Variants in EME2 observed in about 807,000 individuals in gnomAD.
The protein encoded by EME2 is structure-specific endonuclease subunit EME2.
EME2 carries 58 observed loss-of-function variants against 41.9 expected under a neutral mutation model. That is an observed-to-expected ratio of 1.38 (90% CI 1.12 to 1.72). The LOEUF (loss-of-function observed/expected upper bound fraction) is 1.72. EME2 is among the 40% of genes most tolerant of loss of function. The probability of loss-of-function intolerance (pLI) is 0.00; values close to 1 mark genes in which losing one functional copy is unlikely to be tolerated. For synonymous variants in EME2, 334 were observed against 239.3 expected, an observed-to-expected ratio of 1.40 and a Z score of -3.65; for missense variants, 695 against 541.9, an observed-to-expected ratio of 1.28 and a Z score of -2.81.
Position 1,777,929 on chromosome 16 carries a change from C to A in EME2, c.*1691C>A. The A allele has an allele frequency of 6.2e-7, 1 of 1,612,426 alleles. No homozygotes were observed. The highest frequency in any genetic ancestry group is 8.5e-7 in the Non-Finnish European group (1 of 1,179,836). On this transcript the variant is annotated 3_prime_UTR_variant, in exon 8 of 8. Coordinates refer to ENST00000568449, the MANE Select transcript of EME2 (RefSeq NM_001257370.2). ...GAGCTCCAGGCTCGGCCCCGCCCCACCCTGGGCCTCACGCACCCGTGTAGG... is the reference window on the plus strand; with the variant it reads ...GAGCTCCAGGCTCGGCCCCGCCCCAACCTGGGCCTCACGCACCCGTGTAGG...
chr16:1,781,577 C>A lies in EME2; in HGVS notation c.*5339C>A. ...GCTTCCAGGCTGGGCCACGGACCCA[C>A]TCAAAGTGGGGACTGCAGGGGCCGC... On this transcript the variant is annotated 3_prime_UTR_variant, in exon 8 of 8. Transcript: ENST00000568449. The A allele has an allele frequency of 6.7e-7, 1 of 1,492,950 alleles. No homozygotes were observed. The highest frequency in any genetic ancestry group is 9.0e-7 in the Non-Finnish European group (1 of 1,106,460). 92.5% of individuals were successfully genotyped at this position (1,492,950 alleles called of 1,614,324 possible).
At position 1,775,946 on chromosome 16, in the gene EME2, C is replaced by G. The variant is rs771754192; in HGVS notation, c.929C>G (p.Ala310Gly). 3.7e-6 allele frequency: 6 copies of G among 1,610,896 alleles called. No individual in the cohort carries two copies. The highest frequency in any genetic ancestry group is 2.2e-5 in the South Asian group (2 of 91,038). The change falls in exon 7 of 8, where the codon GCA becomes GGA. Residue 310 changes from alanine (A) to glycine (G), a missense_variant. Transcript: ENST00000568449. ...CGGGTCAGCCCAGCCGTGGCTGATG[C>G]AGTTGTCACAGCCTTCCCCTCCCCC... ...FSRVSPAVAD[A>G]VVTAFPSPRL... is the part of the protein sequence containing the mutation.
intron 3 of EME2, among the ~76,000 whole-genome samples, 186 bp downstream of exon 3, chr16:1,774,538 C>G (rs2042680552): frequency 6.6e-6 from 1 of 152,230 alleles, no homozygotes; most frequent in Middle Eastern, 3.2e-3. Context: ...TCCTGGGCAC[C>G]TGCGGAGGCT....
In EME2 at chr16:1,778,139, C is replaced by T. The variant is rs756258686; in HGVS notation, c.*1901C>T. 7 of 1,612,634 alleles carry T rather than the reference C, an allele frequency of 4.3e-6. No homozygotes were observed. Among genetic ancestry groups the T allele is most frequent in the South Asian group, 1.1e-5 (1 of 91,066 alleles). ...CCTGGGCCGAAGCAACTTACCATGT[C>T]GGTGCCGTAGACGGGAGAGGTCATC... On this transcript the variant is annotated 3_prime_UTR_variant, in exon 8 of 8. Transcript: ENST00000568449.
In EME2 at chr16:1,777,392, G is replaced by A; in HGVS notation, c.*1154G>A. The stretch of plus-strand genomic sequence containing the variant: ...CTTCATGCTGCTCCGGGCCGCCGTG[G>A]AGCACACCATCGGGTAGAATCTCTT... On this transcript the variant is annotated 3_prime_UTR_variant, in exon 8 of 8. Coordinates refer to ENST00000568449, the MANE Select transcript of EME2 (RefSeq NM_001257370.2). 1 of 1,591,256 alleles carries A rather than the reference G, an allele frequency of 6.3e-7. No homozygotes were observed. Among genetic ancestry groups the A allele is most frequent in the Non-Finnish European group, 8.5e-7 (1 of 1,171,492 alleles).
chr16:1,777,086 T>G lies in EME2; in HGVS notation c.*848T>G. 7 of 1,608,448 alleles carry G rather than the reference T, an allele frequency of 4.4e-6. No individual in the cohort carries two copies. Among genetic ancestry groups the G allele is most frequent in the Non-Finnish European group, 5.9e-6 (7 of 1,177,240 alleles). ...TCCCAGCCCAAGAAGGCAGTTCCAC[T>G]GGGAAGTCAGTCAGGTCCGGCGGCA... On this transcript the variant is annotated 3_prime_UTR_variant, in exon 8 of 8. Coordinates refer to ENST00000568449, the MANE Select transcript of EME2 (RefSeq NM_001257370.2).
At position 1,776,093 on chromosome 16, in the gene EME2, G is replaced by T. The variant is rs371199330; in HGVS notation, c.995G>T (p.Arg332Leu). ...QQALEACSTERERMGLLADLP... is the reference protein window; with the variant it reads ...QQALEACSTELERMGLLADLP... ...GCGCTGGAGGCCTGCAGCACGGAGC[G>T]GGAGCGCATGGGCCTCCTGGCCGAC... The change falls in exon 8 of 8, where the codon CGG (arginine) becomes CTG (leucine). Residue 332 changes from arginine (R) to leucine (L), a missense_variant. Arg to Leu is a moderately radical substitution (Grantham distance 102). Transcript: ENST00000568449. The T allele has an allele frequency of 5.6e-6, 9 of 1,610,660 alleles. No homozygotes were observed. The South Asian group carries it at 9.9e-5, about 18-fold the overall frequency.
chr16:1,774,385 T>A, intron 3 of EME2, 33 bp downstream of exon 3: 4 of 1,538,986 alleles, frequency 2.6e-6, no homozygotes, highest in Non-Finnish European at 3.6e-6. Flanking sequence ...CCCTCTCTAA[T>A]CAGGAGGGGT....
Position 1,777,667 on chromosome 16 carries a change from G to T in EME2, c.*1429G>T. 2 of 1,575,410 alleles carry T rather than the reference G, an allele frequency of 1.3e-6. No homozygotes were observed. Among genetic ancestry groups the T allele is most frequent in the South Asian group, 2.3e-5 (2 of 87,164 alleles). The stretch of plus-strand genomic sequence containing the variant: ...GGAGGAACCCTTTCAGAAAACCTCA[G>T]TGTCCCCTGGGCTGGGGCGGGGTGG... On this transcript the variant is annotated 3_prime_UTR_variant, in exon 8 of 8. Transcript: ENST00000568449.
rs755072652 is a variant in EME2, at chr16:1,773,397, G to T, written c.170G>T (p.Arg57Leu). The T allele has an allele frequency of 3.8e-6, 6 of 1,561,456 alleles. No individual in the cohort carries two copies. Among genetic ancestry groups the T allele is most frequent in the Non-Finnish European group, 4.3e-6 (5 of 1,163,020 alleles). Reference sequence around the variant, plus strand: ...AGAGCCCGGGACCCAGCGGGTGAGCGCAGGGCGGCTGCCGAGGCGTTGCGG... The same window carrying T: ...AGAGCCCGGGACCCAGCGGGTGAGCTCAGGGCGGCTGCCGAGGCGTTGCGG... ...AARARDPAGE[R>L]RAAAEALRLL... Residue 57 changes from arginine to leucine, a missense_variant, in exon 1 of 8, where the codon CGC becomes CTC. Physicochemically the swap from Arg to Leu is moderately radical, Grantham distance 102 (BLOSUM62 -2). Transcript: ENST00000568449.
rs376076255 is a variant in EME2 at position 1,776,116 on chromosome 16, G to A, written c.1018G>A (p.Asp340Asn). ...GCGGGAGCGCATGGGCCTCCTGGCC[G>A]ACCTTCCTGTGCCGCCCAGTGAAGG... ...TERERMGLLA[D>N]LPVPPSEGGR... is the part of the protein sequence containing the mutation. The change falls in exon 8 of 8, where the codon GAC becomes AAC. Residue 340 changes from aspartate to asparagine, a missense_variant. Asp to Asn is a conservative substitution (Grantham distance 23, BLOSUM62 1). Coordinates refer to ENST00000568449, the MANE Select transcript of EME2 (RefSeq NM_001257370.2). The A allele has an allele frequency of 1.1e-5, 17 of 1,611,604 alleles. No individual in the cohort carries two copies. Among genetic ancestry groups the A allele is most frequent in the African/African-American group, 8.0e-5 (6 of 74,946 alleles).
At position 1,775,361 on chromosome 16, in the gene EME2, AAGGTGGCCGGTGCCG is replaced by A. The variant is rs763938842; in HGVS notation, c.626_640del (p.Gly209_Ala213del). The A allele has an allele frequency of 5.1e-4, 814 of 1,611,854 alleles. No individual in the cohort carries two copies. Among genetic ancestry groups the A allele is most frequent in the Non-Finnish European group, 6.2e-4 (737 of 1,179,972 alleles). ...GGGGACACAGCAGCCAGAGAGCCCGAAGGTGGCCGGTGCCGAGGTGGCCGTCAGCTGGCCGGAGGT... is the reference window on the plus strand; with the variant it reads ...GGGGACACAGCAGCCAGAGAGCCCGAAGGTGGCCGTCAGCTGGCCGGAGGT... On this transcript the variant is annotated inframe_deletion, in exon 5 of 8. Transcript: ENST00000568449.
rs556324697 is a variant in EME2 at position 1,776,929 on chromosome 16, G to C, written c.*691G>C. The C allele has an allele frequency of 2.6e-6, 2 of 760,852 alleles. No homozygotes were observed. The highest frequency in any genetic ancestry group is 1.8e-5 in the African/African-American group (1 of 56,926). 47.1% of individuals were successfully genotyped at this position (760,852 alleles called of 1,614,324 possible). On this transcript the variant is annotated 3_prime_UTR_variant, in exon 8 of 8. Coordinates refer to ENST00000568449, the MANE Select transcript of EME2 (RefSeq NM_001257370.2). ...AGCACAGCAGCAGAGGGGCCCTAGA[G>C]CCCCCACAGAAAGGACTGTCCCAGC...
chr16:1,773,263 T>C lies in EME2; in HGVS notation c.36T>C (p.Ser12=). The C allele has an allele frequency of 6.9e-7, 1 of 1,455,556 alleles. No homozygotes were observed. The highest frequency in any genetic ancestry group is 9.0e-7 in the Non-Finnish European group (1 of 1,113,700). The allele number at this position is 1,455,556 out of a possible 1,614,324, so 90.2% of individuals were successfully genotyped here. The part of the protein sequence containing the change: ...ARVGPGRAGV[S]CQGRGRGRGG... ...TTGGACCCGGGAGGGCGGGGGTCTC[T>C]TGCCAGGGCCGGGGCCGGGGACGGG... Residue 12 remains serine (S), a synonymous_variant, in exon 1 of 8, where the codon TCT becomes TCC. Coordinates refer to ENST00000568449, the MANE Select transcript of EME2 (RefSeq NM_001257370.2).
At position 1,773,050 on chromosome 16, in the gene EME2, G is replaced by T; in HGVS notation, c.-178G>T. 7.0e-7 allele frequency: 1 copy of T among 1,423,882 alleles called. No homozygotes were observed. Among genetic ancestry groups the T allele is most frequent in the Non-Finnish European group, 9.2e-7 (1 of 1,090,292 alleles). 88.2% of individuals were successfully genotyped at this position (1,423,882 alleles called of 1,614,324 possible). The stretch of plus-strand genomic sequence containing the variant: ...TGGGAGTCGCGCGGCCTGTTCAGTT[G>T]CTCCCGCAGGGCGCGCACGCGGCGG... On this transcript the variant is annotated 5_prime_UTR_variant, in exon 1 of 8. Transcript: ENST00000568449.
At position 1,777,917 on chromosome 16, in the gene EME2, G is replaced by C; in HGVS notation, c.*1679G>C. The C allele has an allele frequency of 6.2e-7, 1 of 1,611,834 alleles. No homozygotes were observed. Among genetic ancestry groups the C allele is most frequent in the Non-Finnish European group, 8.5e-7 (1 of 1,179,628 alleles). ...CAGTGAGCCCGGGAGCTCCAGGCTC[G>C]GCCCCGCCCCACCCTGGGCCTCACG... On this transcript the variant is annotated 3_prime_UTR_variant, in exon 8 of 8. Coordinates refer to ENST00000568449, the MANE Select transcript of EME2 (RefSeq NM_001257370.2).
At position 1,777,258 on chromosome 16, in the gene EME2, G is replaced by T; in HGVS notation, c.*1020G>T. On this transcript the variant is annotated 3_prime_UTR_variant, in exon 8 of 8. Transcript: ENST00000568449. ...TTGTGTAGCACCTGCTTGAGGCCCG[G>T]CGGCAGCGGCAGACCCTCCAGCGTG... 6.2e-7 allele frequency: 1 copy of T among 1,610,542 alleles called. No individual in the cohort carries two copies.
chr16:1,779,378 C>G lies in EME2; in HGVS notation c.*3140C>G, dbSNP rs992636415. ...AGAGTGCTAAGTGGTGGCGGGGGGC[C>G]TGTGGCAGAGGCCTTGTGACAGTGA... On this transcript the variant is annotated 3_prime_UTR_variant, in exon 8 of 8. Coordinates refer to ENST00000568449, the MANE Select transcript of EME2 (RefSeq NM_001257370.2). 1.3e-5 allele frequency: 2 copies of G among 152,640 alleles called. No homozygotes were observed. Among genetic ancestry groups the G allele is most frequent in the Non-Finnish European group, 2.9e-5 (2 of 68,384 alleles). 9.5% of individuals were successfully genotyped at this position (152,640 alleles called of 1,614,324 possible).
chr16:1,773,023 G>A lies in EME2; in HGVS notation c.-205G>A. The stretch of plus-strand genomic sequence containing the variant: ...AAGGTCTCGTAGTCCACCGCGTAGA[G>A]CTGGGAGTCGCGCGGCCTGTTCAGT... On this transcript the variant is annotated 5_prime_UTR_variant, in exon 1 of 8. Transcript: ENST00000568449. 1 of 1,445,932 alleles carries A rather than the reference G, an allele frequency of 6.9e-7. No homozygotes were observed. The highest frequency in any genetic ancestry group is 9.1e-7 in the Non-Finnish European group (1 of 1,100,676). The allele number at this position is 1,445,932 out of a possible 1,614,324, so 89.6% of individuals were successfully genotyped here.
Sources: gnomAD v4.1 joint callset for allele counts (sites outside exome capture counted in the v4.1 genomes callset) on GRCh38, gnomAD v4.1.1 for gene constraint, MANE v1.5 for transcripts, NCBI Gene and HGNC (gene_info 2026-07-23, HGNC 2026-07-21) for gene names.